Variants in GRM5 observed in about 807,000 individuals in gnomAD.
GRM5 encodes glutamate metabotropic receptor 5, also known as metabotropic glutamate receptor 5.
GRM5 carries 19 observed loss-of-function variants against 83.1 expected under a neutral mutation model. That is an observed-to-expected ratio of 0.23 (90% confidence interval 0.16 to 0.34). The LOEUF (loss-of-function observed/expected upper bound fraction) is 0.34. GRM5 is among the 10% of genes least tolerant of loss of function. The pLI is 1.00. For missense variants in GRM5, 1,160 were observed against 1,588.3 expected (o/e 0.73, Z 4.58); for synonymous variants, 675 against 633.6 (o/e 1.07, Z -0.98).
chr11:88,687,418 A>G (rs1241070789), intron 3 of GRM5, among the ~76,000 whole-genome samples: 1 of 143,020 alleles, frequency 7.0e-6, no homozygotes, highest in Non-Finnish European at 1.5e-5. Context: ...CGGAGCTTGC[A>G]GTGAGCCGAG....
In GRM5 at chr11:88,735,756, C is replaced by T. The variant is rs534969250; in HGVS notation, c.912-82353G>A. Among the ~76,000 whole-genome samples the T allele has an allele frequency of 5.9e-5, 9 of 152,102 alleles. No homozygotes were observed. In the South Asian group the frequency reaches 1.9e-3, roughly 32 times the overall value. On this transcript the variant is annotated intron_variant, in intron 3 of 9. Transcript: ENST00000305447. ...TTTTAATCTCAAATCTGTGAAGTCA[C>T]CATGTCAAAATGTCAGACCGTTCGG...
intron 3 of GRM5, among the ~76,000 whole-genome samples, chr11:88,670,621 T>C (rs543338941): frequency 6.6e-6 from 1 of 151,970 alleles, no homozygotes. Context: ...TAGAAAATCC[T>C]ATAGAAAAGT....
At chr11:88,782,267 T>G (rs1272175697) in intron 3 of GRM5, among the ~76,000 whole-genome samples, 5 of 152,056 alleles carry the variant, frequency 3.3e-5, no homozygotes, top group African/African-American at 1.2e-4. Flanking sequence ...ACTGGGCAAT[T>G]TACAAAAGAA....
intron 3 of GRM5, among the ~76,000 whole-genome samples, chr11:88,740,306 G>A (rs531512354): frequency 6.6e-6 from 1 of 152,056 alleles, no homozygotes; most frequent in African/African-American, 2.4e-5. Flanking sequence ...GGGAATAATA[G>A]CTTTCTATTG....
chr11:88,954,362 A>G (rs1767907083), intron 2 of GRM5, among the ~76,000 whole-genome samples: 1 of 33,274 alleles, frequency 3.0e-5, no homozygotes, highest in Admixed American at 5.2e-4. Flanking sequence ...TCTTCTAGAG[A>G]GAATGCTAAA....
intron 2 of GRM5, among the ~76,000 whole-genome samples, chr11:88,955,737 T>C (rs974457943): frequency 3.3e-5 from 5 of 152,288 alleles, no homozygotes; most frequent in Non-Finnish European, 1.5e-5. Flanking sequence ...TACTAAACCT[T>C]AACATTTTTC....
At position 88,567,637 on chromosome 11, in the gene GRM5, G is replaced by A; in HGVS notation, c.2046C>T (p.Thr682=). The part of the protein sequence containing the change: ...ILAGSKKKIC[T]KKPRFMSACA... ...AGGCACTCATGAATCTGGGCTTTTTGGTACAGATCTTCTTCTTGCTGCCAG... is the reference window on the plus strand; with the variant it reads ...AGGCACTCATGAATCTGGGCTTTTTAGTACAGATCTTCTTCTTGCTGCCAG... The change falls in exon 8 of 10, where the codon ACC becomes ACT. Residue 682 remains threonine, a synonymous_variant. Coordinates refer to ENST00000305447, the MANE Select transcript of GRM5 (RefSeq NM_001143831.3). This position sits in a 1 kb window ranked among gnomAD's most constrained non-coding sequence, Gnocchi z 7.3. The A allele has an allele frequency of 6.2e-7, 1 of 1,614,038 alleles. No individual in the cohort carries two copies. Among genetic ancestry groups the A allele is most frequent in the Non-Finnish European group, 8.5e-7 (1 of 1,179,912 alleles).
chr11:88,838,033 C>A (rs1236475350), intron 3 of GRM5, among the ~76,000 whole-genome samples: 2 of 134,930 alleles, frequency 1.5e-5, no homozygotes, highest in Non-Finnish European at 3.0e-5. Context: ...TGCAGTGAGA[C>A]CAGATCGCGC....
intron 2 of GRM5, among the ~76,000 whole-genome samples, chr11:88,869,872 G>C (rs570592387): frequency 1.3e-5 from 2 of 151,454 alleles, no homozygotes; most frequent in Non-Finnish European, 3.0e-5. Context: ...AAAATCCCTG[G>C]TTATATTTTT....
chr11:88,980,819 T>C (rs1939496811), intron 2 of GRM5, among the ~76,000 whole-genome samples: 1 of 151,816 alleles, frequency 6.6e-6, no homozygotes, highest in African/African-American at 2.4e-5. Flanking sequence ...TGAGACTCTG[T>C]CTCAAAAAAA....
At chr11:88,725,937 GT>G (rs1941670170) in intron 3 of GRM5, among the ~76,000 whole-genome samples, 1 of 152,134 alleles carries the variant, frequency 6.6e-6, no homozygotes, top group Non-Finnish European at 1.5e-5. Context: ...GAAAAAAACA[GT>G]GCAAAAAGGT....
At position 88,509,528 on chromosome 11, in the gene GRM5, G is replaced by T. The variant is rs199735694; in HGVS notation, c.2727-24C>A. The stretch of plus-strand genomic sequence containing the variant: ...AACTGAGGAGAGAAGGGAGAGGAAA[G>T]GTGACTCAGCGAGGTGCCCAGGGGG... On this transcript the variant is annotated intron_variant, in intron 9 of 9. Coordinates refer to ENST00000305447, the MANE Select transcript of GRM5 (RefSeq NM_001143831.3). 23 of 1,591,124 alleles carry T rather than the reference G, an allele frequency of 1.4e-5. No homozygotes were observed. The East Asian group carries it at 5.3e-4, about 36-fold the overall frequency.
At chr11:88,930,978 T>C (rs1313359606) in intron 2 of GRM5, among the ~76,000 whole-genome samples, 1 of 152,158 alleles carries the variant, frequency 6.6e-6, no homozygotes, top group African/African-American at 2.4e-5. Flanking sequence ...TAGTTGCTGA[T>C]TTTATTATTT....
intron 4 of GRM5, among the ~76,000 whole-genome samples, chr11:88,606,958 T>C (rs199811119): frequency 1.6e-4 from 23 of 144,156 alleles, no homozygotes; most frequent in African/African-American, 5.4e-4. Flanking sequence ...TTTTTTTTTT[T>C]CAACAACAAC....
chr11:88,836,397 A>T (rs1893728), intron 3 of GRM5, among the ~76,000 whole-genome samples: 19,963 of 152,154 alleles, frequency 0.13, 2,855 homozygotes, highest in African/African-American at 0.36. Flanking sequence ...GCCTGTCAAC[A>T]AATAGAAATA....
At chr11:88,554,829 G>A (rs1046131577) in intron 8 of GRM5, among the ~76,000 whole-genome samples, 6 of 152,142 alleles carry the variant, frequency 3.9e-5, no homozygotes, top group African/African-American at 1.4e-4. Flanking sequence ...TTTACCAGAT[G>A]GGCAGAGTGG....
At chr11:88,516,933 A>C (rs979466441) in intron 9 of GRM5, among the ~76,000 whole-genome samples, 2 of 152,044 alleles carry the variant, frequency 1.3e-5, no homozygotes, top group African/African-American at 4.8e-5. Flanking sequence ...GGACCCTTAA[A>C]AATTAATTGG....
rs996711658 is a variant in GRM5, at chr11:88,558,599, C to T, written c.2630+8454G>A. ...CAGGTGGATCATGAGGTCAAGAGAT[C>T]GAGACCATCCTGGACAACATGGTGA... On this transcript the variant is annotated intron_variant, in intron 8 of 9. Coordinates refer to ENST00000305447, the MANE Select transcript of GRM5 (RefSeq NM_001143831.3). Among the ~76,000 whole-genome samples, 10 of 151,782 alleles carry T rather than the reference C, an allele frequency of 6.6e-5. No individual in the cohort carries two copies. In the South Asian group the frequency reaches 1.2e-3, roughly 19 times the overall value.
intron 3 of GRM5, among the ~76,000 whole-genome samples, chr11:88,751,780 T>C (rs1271601065): frequency 6.6e-6 from 1 of 152,212 alleles, no homozygotes; most frequent in Non-Finnish European, 1.5e-5. Flanking sequence ...ATTCTCAGGA[T>C]GCAAGGTTGT....
Sources: allele counts gnomAD v4.1 joint callset (sites outside exome capture counted in the v4.1 genomes callset), GRCh38; gene constraint gnomAD v4.1.1; non-coding constraint Gnocchi (gnomAD v3.1); transcripts MANE v1.5; gene names NCBI Gene and HGNC (gene_info 2026-07-23, HGNC 2026-07-21).